KCNJ6: variants seen among roughly 807,000 people sequenced by gnomAD.
KCNJ6 encodes the protein potassium inwardly rectifying channel subfamily J member 6, also known as G protein-activated inward rectifier potassium channel 2.
Under a neutral mutation model 34.2 loss-of-function variants are expected in KCNJ6, and 9 were observed. The observed-to-expected ratio is 0.26, with a 90% CI of 0.16 to 0.46. The LOEUF (loss-of-function observed/expected upper bound fraction) is 0.46, where lower values mean the gene tolerates loss of function less well. Ranked by LOEUF, KCNJ6 falls within the 20% of genes least tolerant of loss-of-function variation. The pLI is 1.00. For synonymous variants in KCNJ6, 196 were observed against 207.1 expected, an observed-to-expected ratio of 0.95 and a Z score of 0.46; for missense variants, 236 against 531.3, an observed-to-expected ratio of 0.44 and a Z score of 5.46.
intron 3 of KCNJ6, among the ~76,000 whole-genome samples, chr21:37,711,678 A>G (rs574199554): frequency 1.1e-3 from 168 of 152,296 alleles, no homozygotes; most frequent in African/African-American, 4.0e-3. Flanking sequence ...ATTCACAAAG[A>G]AACAGTATCC....
At chr21:37,811,383 C>G (rs571336390) in intron 2 of KCNJ6, among the ~76,000 whole-genome samples, 3 of 152,134 alleles carry the variant, frequency 2.0e-5, no homozygotes, top group Non-Finnish European at 4.4e-5. Context: ...TATAGCCAGT[C>G]AGAGGTATGG....
chr21:37,815,459 G>T (rs1253200046), intron 2 of KCNJ6, among the ~76,000 whole-genome samples: 1 of 152,202 alleles, frequency 6.6e-6, no homozygotes, highest in East Asian at 1.9e-4. Flanking sequence ...AGAAGAATGG[G>T]TGTGACCATT....
chr21:37,662,817 G>A (rs1333044245), intron 3 of KCNJ6, among the ~76,000 whole-genome samples: 1 of 69,652 alleles, frequency 1.4e-5, no homozygotes, highest in Non-Finnish European at 2.7e-5. Flanking sequence ...GGCGTGAGAT[G>A]GTATCTCATT....
At chr21:37,837,962 CA>C (rs565345140) in intron 2 of KCNJ6, among the ~76,000 whole-genome samples, 1 of 152,190 alleles carries the variant, frequency 6.6e-6, no homozygotes, top group South Asian at 2.1e-4. Flanking sequence ...GAAGTTGCCT[CA>C]CATCTTATAT....
chr21:37,912,177 C>T (rs1017349660), intron 1 of KCNJ6, among the ~76,000 whole-genome samples: 1 of 152,044 alleles, frequency 6.6e-6, no homozygotes, highest in Non-Finnish European at 1.5e-5. Flanking sequence ...CAAAATGGAA[C>T]CAAGTGAATG....
At chr21:37,793,840 T>C (rs535410088) in intron 2 of KCNJ6, among the ~76,000 whole-genome samples, 1 of 152,374 alleles carries the variant, frequency 6.6e-6, no homozygotes, top group African/African-American at 2.4e-5. Context: ...TAACTCACCA[T>C]GTGAAGTGAA....
At chr21:37,749,600 G>A (rs545803791) in intron 2 of KCNJ6, among the ~76,000 whole-genome samples, 20 of 152,198 alleles carry the variant, frequency 1.3e-4, no homozygotes, top group Non-Finnish European at 2.8e-4. Flanking sequence ...TTAGACTGCA[G>A]TGTAAAGGGG....
intron 1 of KCNJ6, among the ~76,000 whole-genome samples, chr21:37,888,371 T>C (rs1177985223): frequency 1.3e-5 from 2 of 152,186 alleles, no homozygotes; most frequent in Non-Finnish European, 2.9e-5. Flanking sequence ...CAAGAACAGA[T>C]AGCAACATTC....
chr21:37,803,398 C>T (rs527611953), intron 2 of KCNJ6, among the ~76,000 whole-genome samples: 19 of 152,250 alleles, frequency 1.2e-4, no homozygotes, highest in East Asian at 5.8e-4. Context: ...CAATCCACCA[C>T]GGAAATAAGT....
At chr21:37,831,590 G>A (rs1012478616) in intron 2 of KCNJ6, among the ~76,000 whole-genome samples, 4 of 152,190 alleles carry the variant, frequency 2.6e-5, no homozygotes, top group Non-Finnish European at 5.9e-5. Context: ...ATGAAAACCC[G>A]CCTCTAGGTT....
At chr21:37,763,391 CTCTCT>C (rs2055075736) in intron 2 of KCNJ6, among the ~76,000 whole-genome samples, 1 of 152,136 alleles carries the variant, frequency 6.6e-6, no homozygotes, top group African/African-American at 2.4e-5. Flanking sequence ...TTCCTTTCTC[CTCTCT>C]TACTTCCTGC....
intron 3 of KCNJ6, among the ~76,000 whole-genome samples, chr21:37,694,084 G>A (rs559719054): frequency 6.6e-5 from 10 of 152,300 alleles, no homozygotes; most frequent in African/African-American, 2.2e-4. Context: ...GAGGGGCGTG[G>A]GAAGTAAGAA....
chr21:37,851,087 T>C (rs1033482005), intron 1 of KCNJ6, among the ~76,000 whole-genome samples: 1 of 152,158 alleles, frequency 6.6e-6, no homozygotes, highest in Non-Finnish European at 1.5e-5. Flanking sequence ...TAATACTGTA[T>C]AACCCATGTG....
At chr21:37,630,239 A>G (rs1338225333) in intron 3 of KCNJ6, among the ~76,000 whole-genome samples, 5 of 151,806 alleles carry the variant, frequency 3.3e-5, no homozygotes, top group African/African-American at 1.2e-4. Context: ...CTTTCTGGAA[A>G]AAGAGATGCT....
intron 1 of KCNJ6, among the ~76,000 whole-genome samples, chr21:37,913,177 G>A (rs972540332): frequency 1.3e-5 from 2 of 152,294 alleles, no homozygotes; most frequent in South Asian, 4.1e-4. Context: ...ATGAGAGCAG[G>A]GCAAAGACCA....
At chr21:37,760,795 A>C (rs972312085) in intron 2 of KCNJ6, among the ~76,000 whole-genome samples, 3 of 152,222 alleles carry the variant, frequency 2.0e-5, no homozygotes, top group African/African-American at 7.2e-5. Flanking sequence ...AGAAAGGCTC[A>C]GGTTCCTCCT....
At position 37,620,143 on chromosome 21, in the gene KCNJ6, C is replaced by T. The variant is rs2054285728; in HGVS notation, c.*5016G>A. ...CTAGGACTCTCTTAAGAGTACAGTA[C>T]AATATTTCATAGTACTTAGTACTCT... On this transcript the variant is annotated 3_prime_UTR_variant, in exon 4 of 4. Transcript: ENST00000609713. 6.6e-6 allele frequency: 1 copy of T among 152,120 alleles called. No individual in the cohort carries two copies. Among genetic ancestry groups the T allele is most frequent in the South Asian group, 2.1e-4 (1 of 4,822 alleles). 9.4% of individuals were successfully genotyped at this position (152,120 alleles called of 1,614,324 possible). A position where few individuals can be genotyped will look rare whatever the true frequency, so the allele number is the denominator to read the frequency against.
At chr21:37,902,196 T>C (rs2055820119) in intron 1 of KCNJ6, among the ~76,000 whole-genome samples, 1 of 152,264 alleles carries the variant, frequency 6.6e-6, no homozygotes, top group Non-Finnish European at 1.5e-5. Context: ...ATCAGTGACC[T>C]GGACTGTGCT....
intron 3 of KCNJ6, among the ~76,000 whole-genome samples, chr21:37,691,227 G>T (rs1242424640): frequency 6.6e-6 from 1 of 152,212 alleles, no homozygotes; most frequent in East Asian, 1.9e-4. Context: ...GCCAGGTATG[G>T]CTAGGACAAC....
Sources: gnomAD v4.1 joint callset for allele counts (sites outside exome capture counted in the v4.1 genomes callset) on GRCh38, gnomAD v4.1.1 for gene constraint, MANE v1.5 for transcripts, NCBI Gene and HGNC (gene_info 2026-07-23, HGNC 2026-07-21) for gene names.